Variants in MICAL2 observed in about 807,000 individuals in gnomAD.
The protein encoded by MICAL2 is [F-actin]-monooxygenase MICAL2.
A neutral mutation model predicts 127.3 loss-of-function variants in MICAL2; 77 were observed. The ratio of observed to expected loss-of-function variants is 0.60; its 90% CI spans 0.50 to 0.73. The LOEUF is 0.73. Ranked by LOEUF, MICAL2 falls within the 30% of genes least tolerant of loss-of-function variation. MICAL2 has a pLI of 0.00. For synonymous variants in MICAL2, 570 were observed against 551.1 expected (o/e 1.03, Z -0.48); for missense variants, 1,351 against 1,434.4 (o/e 0.94, Z 0.94).
intron 13 of MICAL2, among the ~76,000 whole-genome samples, chr11:12,225,408 C>CA (rs943965308): frequency 6.6e-6 from 1 of 151,916 alleles, no homozygotes; most frequent in African/African-American, 2.4e-5. Context: ...GTGCAAATCA[C>CA]AAAAAAGGCT....
chr11:12,222,115 G>A (rs1459907209), intron 10 of MICAL2, among the ~76,000 whole-genome samples: 1 of 152,186 alleles, frequency 6.6e-6, no homozygotes, highest in Non-Finnish European at 1.5e-5. Flanking sequence ...TCCTGTCCTG[G>A]ATGGGGGTTG....
chr11:12,163,809 G>A (rs888288647), intron 3 of MICAL2: 4 of 152,226 alleles, frequency 2.6e-5, no homozygotes, highest in Non-Finnish European at 5.9e-5. Flanking sequence ...TGGCTCTTCA[G>A]AGTTAAAGGA....
In MICAL2 at chr11:12,236,232, C is replaced by T; in HGVS notation, c.2051C>T (p.Thr684Ile). Residue 684 changes from threonine to isoleucine, a missense_variant, in exon 16 of 28, where the codon ACC becomes ATC. By Grantham distance (89) the Thr-to-Ile change is moderately conservative. Around this residue, in one of 2 missense-constraint regions of MICAL2, gnomAD observed 752 missense variants for 719.4 expected, o/e 1.05. Coordinates refer to ENST00000683283, the MANE Select transcript of MICAL2 (RefSeq NM_001282663.2). Reference protein sequence around the residue: ...DMNKRRRKGFTNLDEPSNFSS... With the variant: ...DMNKRRRKGFINLDEPSNFSS... ...AACAAACGGAGACGGAAGGGCTTCA[C>T]CAACCTGGACGAGGTTTGTGTACAC... 1 of 1,614,202 alleles carries T rather than the reference C, an allele frequency of 6.2e-7. No individual in the cohort carries two copies. Among genetic ancestry groups the T allele is most frequent in the African/African-American group, 1.3e-5 (1 of 75,066 alleles).
intron 1 of MICAL2, among the ~76,000 whole-genome samples, chr11:12,123,651 G>A (rs1850686108): frequency 6.6e-6 from 1 of 152,158 alleles, no homozygotes; most frequent in Non-Finnish European, 1.5e-5. Flanking sequence ...GAGATCGTTA[G>A]GTTTCAGGGG....
intron 1 of MICAL2, among the ~76,000 whole-genome samples, chr11:12,113,498 C>G (rs1207044071): frequency 1.3e-5 from 2 of 152,274 alleles, no homozygotes; most frequent in African/African-American, 2.4e-5. Flanking sequence ...GTGGCTGTCT[C>G]TGCACTCTGG....
chr11:12,347,758 A>T (rs186338106), intron 32 of MICAL2, among the ~76,000 whole-genome samples: 170 of 152,340 alleles, frequency 1.1e-3, no homozygotes, highest in Admixed American at 2.4e-3. Context: ...GGATGTGTAT[A>T]GGTTATATGC....
intron 3 of MICAL2, among the ~76,000 whole-genome samples, chr11:12,181,770 A>G (rs1857510954): frequency 6.6e-6 from 1 of 152,232 alleles, no homozygotes; most frequent in African/African-American, 2.4e-5. Flanking sequence ...ATTTTGTCCT[A>G]CAGGTTTAAG....
chr11:12,356,812 A>C (rs559764667), intron 34 of MICAL2, among the ~76,000 whole-genome samples: 1 of 152,280 alleles, frequency 6.6e-6, no homozygotes, highest in South Asian at 2.1e-4. Flanking sequence ...CATACAGCAC[A>C]CCAAGATCTG....
chr11:12,228,210 A>G (rs577462261), intron 15 of MICAL2, among the ~76,000 whole-genome samples: 1 of 152,264 alleles, frequency 6.6e-6, no homozygotes, highest in East Asian at 1.9e-4. Flanking sequence ...GGTGCCTGTA[A>G]TCCCAGCTAC....
At chr11:12,113,688 AT>A (rs1314019918) in intron 1 of MICAL2, among the ~76,000 whole-genome samples, 1 of 152,224 alleles carries the variant, frequency 6.6e-6, no homozygotes, top group Non-Finnish European at 1.5e-5. Context: ...CTATTTTATC[AT>A]TAATGTTGTA....
In MICAL2 at chr11:12,263,658, G is replaced by A. The variant is rs572562335; in HGVS notation, c.*116G>A. 1 of 152,756 alleles carries A rather than the reference G, an allele frequency of 6.5e-6. No individual in the cohort carries two copies. Among genetic ancestry groups the A allele is most frequent in the East Asian group, 1.9e-4 (1 of 5,188 alleles). The allele number at this position is 152,756 out of a possible 1,614,324, so 9.5% of individuals were successfully genotyped here. On this transcript the variant is annotated 3_prime_UTR_variant, in exon 28 of 28. Transcript: ENST00000683283. ...CCCCATCTCATCACAACGCATGTCT[G>A]TGACCTTTGGTAATCATTTACAGTG...
intron 3 of MICAL2, among the ~76,000 whole-genome samples, chr11:12,203,901 G>C (rs1040441199): frequency 6.6e-6 from 1 of 152,216 alleles, no homozygotes; most frequent in Non-Finnish European, 1.5e-5. Context: ...CTTATGAGGA[G>C]AGTAGTAGAC....
rs549558450 is a variant in MICAL2 at position 12,168,534 on chromosome 11, A to G, written c.264+6115A>G. On this transcript the variant is annotated intron_variant, in intron 3 of 27. Transcript: ENST00000683283. Reference sequence around the variant, plus strand: ...ATACATAACACCACACACACACTACACACATATCTATTTCTTTACATAGAC... The same window carrying G: ...ATACATAACACCACACACACACTACGCACATATCTATTTCTTTACATAGAC... 4.8e-4 allele frequency among the ~76,000 whole-genome samples: 73 copies of G among 152,020 alleles called. 1 individual carries two copies. The highest frequency in any genetic ancestry group is 4.8e-3 in the Admixed American group (73 of 15,248).
intron 27 of MICAL2, chr11:12,262,781 CCT>C: frequency 2.1e-6 from 1 of 479,762 alleles, no homozygotes; most frequent in South Asian, 2.8e-5. Context: ...CCCCGCCTCT[CCT>C]CTCTCCCTTG....
At chr11:12,136,628 G>A (rs1288126754) in intron 1 of MICAL2, among the ~76,000 whole-genome samples, 1 of 152,172 alleles carries the variant, frequency 6.6e-6, no homozygotes, top group Non-Finnish European at 1.5e-5. Context: ...CAGAGGCCCT[G>A]ACCCTCAAAG....
At chr11:12,171,931 A>G (rs1856310631) in intron 3 of MICAL2, among the ~76,000 whole-genome samples, 1 of 152,226 alleles carries the variant, frequency 6.6e-6, no homozygotes, top group African/African-American at 2.4e-5. Context: ...AATATAAAAA[A>G]TGATTACTGA....
Position 12,243,134 on chromosome 11 carries a change from T to A in MICAL2, c.2658+362T>A, listed in dbSNP as rs561825187. 413 of 175,030 alleles carry A rather than the reference T, an allele frequency of 2.4e-3. 1 individual carries two copies. The highest frequency in any genetic ancestry group is 9.4e-3 in the African/African-American group (394 of 41,800). 10.8% of individuals were successfully genotyped at this position (175,030 alleles called of 1,614,324 possible). A position where few individuals can be genotyped will look rare whatever the true frequency, so the allele number is the denominator to read the frequency against. On this transcript the variant is annotated intron_variant, in intron 20 of 27. Transcript: ENST00000683283. ...ACAGTCATCAGTTGCAGAATCACAATGCCTTTACCCAGTTGCTTGTGATGT... is the reference window on the plus strand; with the variant it reads ...ACAGTCATCAGTTGCAGAATCACAAAGCCTTTACCCAGTTGCTTGTGATGT...
At chr11:12,236,113 A>G in intron 15 of MICAL2, 64 bp from the exon 16 acceptor site, 2 of 1,410,756 alleles carry the variant, frequency 1.4e-6, no homozygotes, top group South Asian at 2.3e-5. Context: ...GCCCTCAGGG[A>G]TCTTAGTGGG....
chr11:12,272,373 A>G (rs558966236), upstream of MICAL2, among the ~76,000 whole-genome samples: 2 of 152,066 alleles, frequency 1.3e-5, no homozygotes, highest in Non-Finnish European at 2.9e-5. Flanking sequence ...TCACTCTTAC[A>G]TGCTTTGTCT....
Sources: gnomAD v4.1 joint callset for allele counts (sites outside exome capture counted in the v4.1 genomes callset) on GRCh38, gnomAD v4.1.1 for gene constraint, gnomAD v4.1.1 regional missense constraint, MANE v1.5 for transcripts, NCBI Gene and HGNC (gene_info 2026-07-23, HGNC 2026-07-21) for gene names.